Variants in AIG1 observed in about 807,000 individuals in gnomAD.
The protein encoded by AIG1 is androgen induced 1.
Under a neutral mutation model 31.4 loss-of-function variants are expected in AIG1, and 23 were observed. The ratio of observed to expected loss-of-function variants is 0.73; its 90% confidence interval spans 0.53 to 1.04. The LOEUF (loss-of-function observed/expected upper bound fraction) is 1.04, where lower values mean the gene tolerates loss of function less well. Among genes scored for constraint, AIG1 ranks in the 50% least tolerant of loss-of-function variants. The probability of loss-of-function intolerance (pLI) is 0.00; values close to 1 mark genes in which losing one functional copy is unlikely to be tolerated. For synonymous variants in AIG1, 100 were observed against 110.5 expected (o/e 0.90, Z 0.60); for missense variants, 274 against 295.0 (o/e 0.93, Z 0.52).
At chr6:143,130,487 C>T (rs866491582) in intron 1 of AIG1, among the ~76,000 whole-genome samples, 14 of 151,758 alleles carry the variant, frequency 9.2e-5, no homozygotes, top group Non-Finnish European at 1.9e-4. Flanking sequence ...GAGGCTGAGG[C>T]GGGTAGATCA....
chr6:143,061,115 T>A, intron 1 of AIG1, 49 bp downstream of exon 1: 1 of 1,551,322 alleles, frequency 6.4e-7, no homozygotes, highest in South Asian at 1.1e-5. Flanking sequence ...TGCCTGTGTG[T>A]GCGTGTGTGT....
intron 3 of AIG1, among the ~76,000 whole-genome samples, chr6:143,247,503 G>A (rs191175279): frequency 3.2e-4 from 49 of 152,238 alleles, no homozygotes; most frequent in African/African-American, 8.2e-4. Flanking sequence ...TAAAGACCCC[G>A]TCATAAATCA....
At chr6:143,217,586 G>A (rs1792126896) in intron 3 of AIG1, among the ~76,000 whole-genome samples, 1 of 152,090 alleles carries the variant, frequency 6.6e-6, no homozygotes, top group Non-Finnish European at 1.5e-5. Flanking sequence ...TCTGCTCCCT[G>A]CAGCCTCCAC....
At chr6:143,311,909 T>A (rs1020458397) in intron 4 of AIG1, among the ~76,000 whole-genome samples, 4 of 152,092 alleles carry the variant, frequency 2.6e-5, no homozygotes, top group African/African-American at 9.6e-5. Flanking sequence ...CATTTCAATA[T>A]GCCAACATTG....
chr6:143,314,758 C>A (rs1775597207), intron 4 of AIG1, among the ~76,000 whole-genome samples: 1 of 152,020 alleles, frequency 6.6e-6, no homozygotes, highest in South Asian at 2.1e-4. Context: ...TAGATTTAAC[C>A]CTTTTCCATT....
intron 1 of AIG1, among the ~76,000 whole-genome samples, chr6:143,068,099 A>G (rs1776886784): frequency 6.6e-6 from 1 of 152,184 alleles, no homozygotes; most frequent in African/African-American, 2.4e-5. Flanking sequence ...TGCAAATGGT[A>G]TTGAAATTAC....
At chr6:143,314,297 T>G (rs754633161) in intron 4 of AIG1, among the ~76,000 whole-genome samples, 2 of 151,032 alleles carry the variant, frequency 1.3e-5, no homozygotes, top group Non-Finnish European at 2.9e-5. Flanking sequence ...GCCCAGGAGT[T>G]GAGCTATGAT....
rs77835419 is a variant in AIG1 at position 143,177,781 on chromosome 6, C to T, written c.399+12598C>T. On this transcript the variant is annotated intron_variant, in intron 3 of 5. Transcript: ENST00000357847. Reference sequence around the variant, plus strand: ...GCTTCATCACTGGAGGGGTCAGGGTCACTGGTGATGGCAGCAGCCCTGGAC... The same window carrying T: ...GCTTCATCACTGGAGGGGTCAGGGTTACTGGTGATGGCAGCAGCCCTGGAC... Among the ~76,000 whole-genome samples the T allele has an allele frequency of 4.3e-3, 657 of 152,292 alleles. 3 individuals are homozygous for T. The highest frequency in any genetic ancestry group is 7.5e-3 in the Non-Finnish European group (509 of 68,012).
At chr6:143,185,399 C>G (rs899936960) in intron 3 of AIG1, among the ~76,000 whole-genome samples, 3 of 152,042 alleles carry the variant, frequency 2.0e-5, no homozygotes, top group Non-Finnish European at 4.4e-5. Context: ...TAAGCTGTGG[C>G]TAACACAGCA....
chr6:143,120,255 A>G (rs1052117294), intron 1 of AIG1, among the ~76,000 whole-genome samples: 1 of 152,324 alleles, frequency 6.6e-6, no homozygotes, highest in East Asian at 1.9e-4. Context: ...TTTTTAAAAT[A>G]ACTGAGGCAG....
rs1796324201 is a variant in AIG1 at position 143,268,901 on chromosome 6, T to A, written c.400-15209T>A. On this transcript the variant is annotated intron_variant, in intron 3 of 5. Coordinates refer to ENST00000357847, the MANE Select transcript of AIG1 (RefSeq NM_016108.4). The surrounding 1 kb of genome is among the most constrained non-coding windows in gnomAD (Gnocchi z 5.0). The stretch of plus-strand genomic sequence containing the variant: ...CTGCCCTTATGTGAAGACAGCAGCC[T>A]TACTAAGTTCAGACCCCCTTCCTGT... Among the ~76,000 whole-genome samples, 1 of 152,194 alleles carries A rather than the reference T, an allele frequency of 6.6e-6. No individual in the cohort carries two copies. The highest frequency in any genetic ancestry group is 1.5e-5 in the Non-Finnish European group (1 of 68,022).
chr6:143,202,107 A>G (rs557907808), intron 3 of AIG1, among the ~76,000 whole-genome samples: 1 of 152,264 alleles, frequency 6.6e-6, no homozygotes, highest in African/African-American at 2.4e-5. Context: ...CAACTCTCTT[A>G]TATCGTGTTG....
chr6:143,194,975 G>A (rs1040358973), intron 3 of AIG1, among the ~76,000 whole-genome samples: 1 of 152,238 alleles, frequency 6.6e-6, no homozygotes, highest in Non-Finnish European at 1.5e-5. Flanking sequence ...AGGAGTCATA[G>A]TAAGAGATTT....
downstream of AIG1, among the ~76,000 whole-genome samples, chr6:143,341,237 A>G (rs893456195): frequency 2.0e-5 from 3 of 152,196 alleles, no homozygotes; most frequent in African/African-American, 7.2e-5. Context: ...ACCAAAACAG[A>G]AAAGCACAGC....
chr6:143,122,314 T>A (rs1043529855), intron 1 of AIG1, among the ~76,000 whole-genome samples: 1 of 152,200 alleles, frequency 6.6e-6, no homozygotes, highest in African/African-American at 2.4e-5. Flanking sequence ...ATCAAAAAAA[T>A]GTTTGTTGTT....
In AIG1 at chr6:143,338,854, G is replaced by C. The variant is rs570663605; in HGVS notation, c.680-785G>C. ...TTTGCTATTGAAACAAAGAAACTGA[G>C]AATTTGGTATGATTCAAAAAATGTT... On this transcript the variant is annotated intron_variant, in intron 5 of 5. Coordinates refer to ENST00000357847, the MANE Select transcript of AIG1 (RefSeq NM_016108.4). This position sits in a 1 kb window ranked among gnomAD's most constrained non-coding sequence, Gnocchi z 4.3. 6.6e-6 allele frequency: 1 copy of C among 152,236 alleles called. No individual in the cohort carries two copies. The highest frequency in any genetic ancestry group is 2.4e-5 in the African/African-American group (1 of 41,554). 9.4% of individuals were successfully genotyped at this position (152,236 alleles called of 1,614,324 possible).
chr6:143,164,200 C>T (rs1786699750), intron 2 of AIG1, among the ~76,000 whole-genome samples: 1 of 152,196 alleles, frequency 6.6e-6, no homozygotes, highest in Non-Finnish European at 1.5e-5. Context: ...AGGCATCACT[C>T]TACAGAGACT....
At chr6:143,149,727 G>T (rs934062993) in intron 2 of AIG1, among the ~76,000 whole-genome samples, 5 of 152,120 alleles carry the variant, frequency 3.3e-5, no homozygotes, top group Non-Finnish European at 5.9e-5. Flanking sequence ...GGAACAGCTT[G>T]CAAAGTGCAA....
intron 2 of AIG1, among the ~76,000 whole-genome samples, chr6:143,152,792 A>G (rs1195996532): frequency 6.6e-6 from 1 of 152,124 alleles, no homozygotes; most frequent in African/African-American, 2.4e-5. Flanking sequence ...AATGCACACC[A>G]CCTTGCCAAC....
Sources: allele counts gnomAD v4.1 joint callset (sites outside exome capture counted in the v4.1 genomes callset), GRCh38; gene constraint gnomAD v4.1.1; non-coding constraint Gnocchi (gnomAD v3.1); transcripts MANE v1.5; gene names NCBI Gene and HGNC (gene_info 2026-07-23, HGNC 2026-07-21).